The following SENP6 variants were observed in gnomAD, a reference collection of about 807,000 sequenced individuals.
SENP6 encodes the protein sentrin-specific protease 6.
Under a neutral mutation model 134.5 loss-of-function variants are expected in SENP6, and 41 were observed. The ratio of observed to expected loss-of-function variants is 0.30; its 90% CI spans 0.24 to 0.40. SENP6 has a LOEUF of 0.40. Ranked by LOEUF, SENP6 falls within the 10% of genes least tolerant of loss-of-function variation. SENP6 has a pLI of 1.00. For missense variants in SENP6, 1,248 were observed against 1,312.5 expected, an observed-to-expected ratio of 0.95 and a Z score of 0.76; for synonymous variants, 395 against 429.8, an observed-to-expected ratio of 0.92 and a Z score of 1.00.
Position 75,602,589 on chromosome 6 carries a change from C to T in SENP6, c.52+13C>T, listed in dbSNP as rs771792257. 3 of 1,551,072 alleles carry T rather than the reference C, an allele frequency of 1.9e-6. No individual in the cohort carries two copies. Among genetic ancestry groups the T allele is most frequent in the South Asian group, 2.4e-5 (2 of 84,002 alleles). ...ACTTTTCTGGAAGGTACGTCTGTTT[C>T]TGCCCTTGACGGGGAGAAGGGAGGG... is the stretch of plus-strand genomic sequence containing the variant. On this transcript the variant is annotated intron_variant, in intron 1 of 23. Transcript: ENST00000447266.
intron 16 of SENP6, among the ~76,000 whole-genome samples, chr6:75,680,478 C>T (rs1773389524): frequency 6.6e-6 from 1 of 151,988 alleles, no homozygotes; most frequent in Admixed American, 6.6e-5. Context: ...ACGGACAGAT[C>T]CTGGAGATTA....
At chr6:75,662,727 T>C (rs888069894) in intron 8 of SENP6, among the ~76,000 whole-genome samples, 4 of 152,178 alleles carry the variant, frequency 2.6e-5, no homozygotes, top group African/African-American at 9.7e-5. Context: ...TATTTTAATA[T>C]TGGGGATTTT....
At chr6:75,625,910 T>A (rs1768653344) in intron 3 of SENP6, among the ~76,000 whole-genome samples, 1 of 152,200 alleles carries the variant, frequency 6.6e-6, no homozygotes, top group African/African-American at 2.4e-5. Context: ...TTATTTGCTT[T>A]GTCTTATTAG....
rs777199023 is a variant in SENP6 at position 75,647,889 on chromosome 6, T to C, written c.550+88T>C. ...GAGATACGATGCTGGCTTTAGAATA[T>C]TCCCAGGTATAATAGATATATATGT... On this transcript the variant is annotated intron_variant, in intron 7 of 23. Coordinates refer to ENST00000447266, the MANE Select transcript of SENP6 (RefSeq NM_015571.4). The C allele has an allele frequency of 7.8e-4, 775 of 996,768 alleles. 5 individuals are homozygous for C. The highest frequency in any genetic ancestry group is 4.5e-4 in the Non-Finnish European group (293 of 657,966). The allele number at this position is 996,768 out of a possible 1,614,324, so 61.7% of individuals were successfully genotyped here. A position where few individuals can be genotyped will look rare whatever the true frequency, so the allele number is the denominator to read the frequency against.
At chr6:75,628,175 C>T (rs1402338795) in intron 3 of SENP6, among the ~76,000 whole-genome samples, 3 of 151,976 alleles carry the variant, frequency 2.0e-5, no homozygotes, top group Non-Finnish European at 2.9e-5. Context: ...TATATTGTGC[C>T]TTTTCCGTCT....
chr6:75,664,162 C>T (rs1772007391), intron 9 of SENP6, among the ~76,000 whole-genome samples: 1 of 151,628 alleles, frequency 6.6e-6, no homozygotes, highest in South Asian at 2.1e-4. Context: ...AGAAATTGGG[C>T]ACAGTGGTGT....
chr6:75,686,575 TTG>T (rs1434043092), intron 16 of SENP6, among the ~76,000 whole-genome samples: 1 of 152,226 alleles, frequency 6.6e-6, no homozygotes, highest in Non-Finnish European at 1.5e-5. Context: ...TCAGGAGCTC[TTG>T]CAAGGCAGGC....
chr6:75,696,754 A>C (rs1774691313), intron 17 of SENP6, among the ~76,000 whole-genome samples: 1 of 152,194 alleles, frequency 6.6e-6, no homozygotes, highest in African/African-American at 2.4e-5. Flanking sequence ...CTGGGATTTC[A>C]GGTGTGAGCC....
chr6:75,701,226 T>C (rs1181174615), intron 18 of SENP6, among the ~76,000 whole-genome samples: 2 of 152,154 alleles, frequency 1.3e-5, no homozygotes, highest in Admixed American at 1.3e-4. Flanking sequence ...ACCAATAAGC[T>C]CCCTGACATC....
At chr6:75,673,642 T>G (rs561076541) in intron 11 of SENP6, among the ~76,000 whole-genome samples, 34 of 152,164 alleles carry the variant, frequency 2.2e-4, no homozygotes, top group African/African-American at 7.9e-4. Context: ...ACTTATAATA[T>G]TAATGTGTGA....
chr6:75,696,049 C>T (rs770597046), intron 17 of SENP6, 126 bp downstream of exon 17: 1 of 827,186 alleles, frequency 1.2e-6, no homozygotes, highest in Non-Finnish European at 1.8e-6. Flanking sequence ...AATTCTCCAG[C>T]CAGGAAGAGA....
chr6:75,621,578 T>C lies in SENP6; in HGVS notation c.99T>C (p.Asn33=). 3 of 1,612,258 alleles carry C rather than the reference T, an allele frequency of 1.9e-6. No individual in the cohort carries two copies. The highest frequency in any genetic ancestry group is 2.5e-6 in the Non-Finnish European group (3 of 1,178,736). The change falls in exon 2 of 24, where the codon AAT becomes AAC. Residue 33 remains asparagine, a synonymous_variant. Transcript: ENST00000447266. ...ESKRDGGFKN[N]WSFDHEEESE... ...AGAGAGATGGAGGTTTTAAAAATAA[T>C]TGGAGCTTTGATCATGAAGAAGAAA...
chr6:75,665,379 G>C (rs1013154805), intron 9 of SENP6, among the ~76,000 whole-genome samples: 1 of 152,120 alleles, frequency 6.6e-6, no homozygotes, highest in Non-Finnish European at 1.5e-5. Flanking sequence ...GCAAGCTTGT[G>C]GTGTTTCAGG....
chr6:75,683,045 C>T (rs1378379550), intron 16 of SENP6, among the ~76,000 whole-genome samples: 1 of 152,214 alleles, frequency 6.6e-6, no homozygotes, highest in Non-Finnish European at 1.5e-5. Context: ...ATTCCTATTT[C>T]TCCACATCCT....
intron 1 of SENP6, among the ~76,000 whole-genome samples, chr6:75,613,727 T>C (rs1041488220): frequency 2.6e-5 from 4 of 152,206 alleles, no homozygotes; most frequent in Admixed American, 2.0e-4. Flanking sequence ...GTAATTACTT[T>C]ATTGTGTAAC....
At chr6:75,687,541 T>C (rs1479889227) in intron 16 of SENP6, among the ~76,000 whole-genome samples, 1 of 152,256 alleles carries the variant, frequency 6.6e-6, no homozygotes. Context: ...TGGTTTTATC[T>C]ACCTTTGGTC....
chr6:75,636,875 A>T (rs910244128), intron 5 of SENP6, among the ~76,000 whole-genome samples: 5 of 143,318 alleles, frequency 3.5e-5, no homozygotes, highest in East Asian at 2.0e-4. Context: ...TGAAGTCTTA[A>T]TTTTTTTTTT....
chr6:75,703,168 G>A, intron 19 of SENP6, 96 bp downstream of exon 19: 2 of 1,067,036 alleles, frequency 1.9e-6, no homozygotes, highest in Non-Finnish European at 2.7e-6. Flanking sequence ...AAAAAATCAG[G>A]TTAATGACTG....
At chr6:75,618,053 A>G (rs1767992384) in intron 1 of SENP6, among the ~76,000 whole-genome samples, 1 of 152,180 alleles carries the variant, frequency 6.6e-6, no homozygotes, top group African/African-American at 2.4e-5. Context: ...AATGTTAACT[A>G]TGATCACTTG....
Sources: allele counts gnomAD v4.1 joint callset (sites outside exome capture counted in the v4.1 genomes callset), GRCh38; gene constraint gnomAD v4.1.1; transcripts MANE v1.5; gene names NCBI Gene and HGNC (gene_info 2026-07-23, HGNC 2026-07-21).